The following PHF20 variants were observed in gnomAD, a reference collection of about 807,000 sequenced individuals.
The protein encoded by PHF20 is PHD finger protein 20, also known as glioma-expressed antigen 2.
In PHF20, 23 loss-of-function variants were observed where a neutral mutation model predicts 113.5. That is an observed-to-expected ratio of 0.20 (90% CI 0.15 to 0.29). The LOEUF (loss-of-function observed/expected upper bound fraction) is 0.29, where lower values mean the gene tolerates loss of function less well. PHF20 is among the 10% of genes least tolerant of loss of function. PHF20 has a pLI of 1.00. For synonymous variants in PHF20, 434 were observed against 457.3 expected, an observed-to-expected ratio of 0.95 and a Z score of 0.65; for missense variants, 943 against 1,219.6, an observed-to-expected ratio of 0.77 and a Z score of 3.38.
chr20:35,826,804 G>T (rs2042270493), intron 2 of PHF20, among the ~76,000 whole-genome samples: 1 of 152,128 alleles, frequency 6.6e-6, no homozygotes, highest in Non-Finnish European at 1.5e-5. Flanking sequence ...AAGGGGTTTA[G>T]GGGTGATGTG....
rs1434365921 is a variant in PHF20 at position 35,800,553 on chromosome 20, T to C, written c.-32-938T>C. 3.3e-5 allele frequency among the ~76,000 whole-genome samples: 5 copies of C among 152,206 alleles called. No homozygotes were observed. In the East Asian group the frequency reaches 9.6e-4, roughly 29 times the overall value. On this transcript the variant is annotated intron_variant, in intron 1 of 17. Coordinates refer to ENST00000374012, the MANE Select transcript of PHF20 (RefSeq NM_016436.5). ...TGGGAGGTTGATGTGGGCAGATCAC[T>C]TGAGGTCAGGTGTTTGATACCAGCC...
intron 6 of PHF20, among the ~76,000 whole-genome samples, chr20:35,867,524 G>C (rs1180459256): frequency 6.6e-6 from 1 of 152,192 alleles, no homozygotes; most frequent in Non-Finnish European, 1.5e-5. Context: ...GCCTCCCAAA[G>C]TGCTGGGATT....
At chr20:35,901,162 C>T (rs140314058) in intron 10 of PHF20, among the ~76,000 whole-genome samples, 2 of 152,174 alleles carry the variant, frequency 1.3e-5, no homozygotes, top group African/African-American at 2.4e-5. Context: ...TAGTGGCTCA[C>T]ACCTGAAATC....
rs576889803 is a variant in PHF20, at chr20:35,868,459, T to A, written c.809-979T>A. ...TATTAAAAATACAAAAAAAAAAAAA[T>A]TTTGCTAGGTATGGCAGGTGCCTGT... On this transcript the variant is annotated intron_variant, in intron 6 of 17. Transcript: ENST00000374012. Among the ~76,000 whole-genome samples, 15 of 139,636 alleles carry A rather than the reference T, an allele frequency of 1.1e-4. No homozygotes were observed. The East Asian group carries it at 1.9e-3, about 18-fold the overall frequency. The allele number at this position is 139,636 out of a possible 152,430, so 91.6% of individuals were successfully genotyped here. A position where few individuals can be genotyped will look rare whatever the true frequency, so the allele number is the denominator to read the frequency against.
chr20:35,788,397 A>AT (rs568763980), intron 1 of PHF20, among the ~76,000 whole-genome samples: 222 of 148,786 alleles, frequency 1.5e-3, no homozygotes, highest in Middle Eastern at 3.6e-3. Context: ...TGCCTGGCCT[A>AT]TTTTTTTTAT....
chr20:35,836,655 T>C (rs935013672), intron 2 of PHF20, among the ~76,000 whole-genome samples: 30 of 151,782 alleles, frequency 2.0e-4, no homozygotes, highest in African/African-American at 7.3e-4. Context: ...CCATCCTGGC[T>C]AACACGGTGA....
intron 2 of PHF20, among the ~76,000 whole-genome samples, chr20:35,827,512 C>T (rs574113992): frequency 2.6e-5 from 4 of 151,942 alleles, no homozygotes; most frequent in East Asian, 1.9e-4. Context: ...TAGCCGGGTG[C>T]GGTGGCTCAC....
At chr20:35,936,483 C>G (rs933402752) in intron 15 of PHF20, among the ~76,000 whole-genome samples, 3 of 152,146 alleles carry the variant, frequency 2.0e-5, no homozygotes, top group Non-Finnish European at 4.4e-5. Context: ...AGGAAGGCAT[C>G]CACAGCATTT....
Position 35,949,640 on chromosome 20 carries a change from C to G in PHF20, c.*2013C>G, listed in dbSNP as rs534527167. 1 of 152,762 alleles carries G rather than the reference C, an allele frequency of 6.5e-6. No homozygotes were observed. The highest frequency in any genetic ancestry group is 2.1e-4 in the South Asian group (1 of 4,828). 9.5% of individuals were successfully genotyped at this position (152,762 alleles called of 1,614,324 possible). A position where few individuals can be genotyped will look rare whatever the true frequency, so the allele number is the denominator to read the frequency against. Reference sequence around the variant, plus strand: ...AAGTTCTTATAACCTCATTGTGCTTCCCTAATTTAAAGCCATGTTGAGGGG... The same window carrying G: ...AAGTTCTTATAACCTCATTGTGCTTGCCTAATTTAAAGCCATGTTGAGGGG... On this transcript the variant is annotated 3_prime_UTR_variant, in exon 18 of 18. Transcript: ENST00000374012.
intron 1 of PHF20, among the ~76,000 whole-genome samples, chr20:35,784,860 C>T (rs1321148519): frequency 6.6e-6 from 1 of 151,872 alleles, no homozygotes; most frequent in Admixed American, 6.6e-5. Context: ...AGACTAGCCT[C>T]GGCAATGTGG....
intron 2 of PHF20, among the ~76,000 whole-genome samples, chr20:35,820,623 T>C (rs1226997069): frequency 6.6e-6 from 1 of 151,756 alleles, no homozygotes; most frequent in Non-Finnish European, 1.5e-5. Context: ...TAATTTTTTG[T>C]ATTTTTTAGT....
chr20:35,907,856 CGAT>C (rs1324787912), intron 10 of PHF20, among the ~76,000 whole-genome samples: 4 of 152,112 alleles, frequency 2.6e-5, no homozygotes, highest in African/African-American at 9.7e-5. Flanking sequence ...TTTTTTGCCT[CGAT>C]GATCTTTCTA....
chr20:35,915,374 TTTTGTTTTGTTTTGC>T (rs911148652), intron 12 of PHF20, among the ~76,000 whole-genome samples: 20 of 151,486 alleles, frequency 1.3e-4, no homozygotes, highest in African/African-American at 4.8e-4. Flanking sequence ...TTTTGTTTTG[TTTTGTTTTGTTTTGC>T]TTTGTTTTTG....
chr20:35,896,113 G>GTA (rs1555798825), intron 9 of PHF20, among the ~76,000 whole-genome samples: 3 of 150,454 alleles, frequency 2.0e-5, no homozygotes, highest in African/African-American at 4.9e-5. Context: ...GTGTGTGTGT[G>GTA]TATAGGTTTT....
At chr20:35,934,538 T>G (rs2055826762) in intron 15 of PHF20, among the ~76,000 whole-genome samples, 1 of 152,266 alleles carries the variant, frequency 6.6e-6, no homozygotes, top group African/African-American at 2.4e-5. Context: ...TTTTGTCTTA[T>G]TGCTCTGGCA....
chr20:35,891,207 T>C (rs911484229), intron 9 of PHF20, among the ~76,000 whole-genome samples: 2 of 151,904 alleles, frequency 1.3e-5, no homozygotes, highest in African/African-American at 4.8e-5. Flanking sequence ...CGAAACCCGG[T>C]CTGTACTAAA....
Position 35,847,337 on chromosome 20 carries a change from T to TTA in PHF20, c.256-11_256-10dup. On this transcript the variant is annotated splice_polypyrimidine_tract_variant and intron_variant, in intron 3 of 17. Coordinates refer to ENST00000374012, the MANE Select transcript of PHF20 (RefSeq NM_016436.5). The stretch of plus-strand genomic sequence containing the variant: ...TGGTAACAGGATCTTTTTTTTTTTT[T>TTA]TATGTTTTTTAGGAATTTCAAATAA... 1 of 1,571,270 alleles carries TTA rather than the reference T, an allele frequency of 6.4e-7. No homozygotes were observed. The highest frequency in any genetic ancestry group is 1.8e-5 in the Admixed American group (1 of 56,320).
chr20:35,889,601 G>C, intron 9 of PHF20, among the ~76,000 whole-genome samples: 1 of 151,958 alleles, frequency 6.6e-6, no homozygotes, highest in East Asian at 1.9e-4. Flanking sequence ...GACCTCAAGT[G>C]ATCTGCCCAT....
chr20:35,904,612 G>C (rs1170738128), intron 10 of PHF20, among the ~76,000 whole-genome samples: 1 of 152,086 alleles, frequency 6.6e-6, no homozygotes, highest in African/African-American at 2.4e-5. Flanking sequence ...ACCCTGCAGA[G>C]ATTTCTTGGC....
Sources: gnomAD v4.1 joint callset for allele counts (sites outside exome capture counted in the v4.1 genomes callset) on GRCh38, gnomAD v4.1.1 for gene constraint, MANE v1.5 for transcripts, NCBI Gene and HGNC (gene_info 2026-07-23, HGNC 2026-07-21) for gene names.